Variants in RNF34 observed in about 807,000 individuals in gnomAD.
The protein encoded by RNF34 is E3 ubiquitin-protein ligase RNF34.
In RNF34, 12 loss-of-function variants were observed where a neutral mutation model predicts 37.9. That is an observed-to-expected ratio of 0.32 (90% CI 0.20 to 0.51). The LOEUF is 0.51. Among genes scored for constraint, RNF34 ranks in the 20% least tolerant of loss-of-function variants. RNF34 has a pLI of 0.97. For synonymous variants in RNF34, 155 were observed against 177.2 expected (o/e 0.87, Z 1.00); for missense variants, 362 against 472.7 (o/e 0.77, Z 2.17).
At chr12:121,419,189 A>G (rs569482058) in intron 3 of RNF34, among the ~76,000 whole-genome samples, 1 of 152,350 alleles carries the variant, frequency 6.6e-6, no homozygotes, top group Admixed American at 6.5e-5. Context: ...ATATGTTTAG[A>G]TACACAAATA....
At chr12:121,410,657 A>G (rs1372699725) in intron 1 of RNF34, among the ~76,000 whole-genome samples, 1 of 152,050 alleles carries the variant, frequency 6.6e-6, no homozygotes, top group Non-Finnish European at 1.5e-5. Flanking sequence ...AGTGTTGCAA[A>G]TGCTCCTCTC....
intron 1 of RNF34, among the ~76,000 whole-genome samples, chr12:121,408,294 T>C (rs564021654): frequency 6.6e-6 from 1 of 151,932 alleles, no homozygotes; most frequent in South Asian, 2.1e-4. Flanking sequence ...TACAAAAAAT[T>C]ACCAGGGTGT....
rs1555283914 is a variant in RNF34, at chr12:121,423,956, C to T, written c.*380C>T. The T allele has an allele frequency of 5.7e-6, 1 of 174,108 alleles. No individual in the cohort carries two copies. Among genetic ancestry groups the T allele is most frequent in the Non-Finnish European group, 1.2e-5 (1 of 81,882 alleles). The allele number at this position is 174,108 out of a possible 1,614,324, so 10.8% of individuals were successfully genotyped here. On this transcript the variant is annotated 3_prime_UTR_variant, in exon 6 of 6. Transcript: ENST00000361234. The surrounding 1 kb of genome is among the most constrained non-coding windows in gnomAD (Gnocchi z 4.3). The stretch of plus-strand genomic sequence containing the variant: ...CTCAGATGTTTGAAACTTCTGTCCT[C>T]TTTGGATGAGATCAGTGTCCACAAG...
intron 1 of RNF34, among the ~76,000 whole-genome samples, chr12:121,401,543 CTATT>C (rs1204651331): frequency 1.3e-5 from 2 of 152,106 alleles, no homozygotes; most frequent in Admixed American, 6.6e-5. Context: ...CTTGAAATAT[CTATT>C]AAAGTATCTA....
chr12:121,413,671 G>C (rs190770382), intron 1 of RNF34, among the ~76,000 whole-genome samples: 3 of 147,092 alleles, frequency 2.0e-5, no homozygotes, highest in Admixed American at 6.9e-5. Context: ...TCCGCCTCCC[G>C]GGTTCACGCC....
intron 5 of RNF34, among the ~76,000 whole-genome samples, chr12:121,422,160 T>C (rs1219219941): frequency 1.3e-5 from 2 of 152,234 alleles, no homozygotes; most frequent in African/African-American, 4.8e-5. Context: ...GCGTAGGATA[T>C]AACATGGTTG....
At chr12:121,404,337 CT>C (rs1555280386) in intron 1 of RNF34, among the ~76,000 whole-genome samples, 1 of 139,670 alleles carries the variant, frequency 7.2e-6, no homozygotes, top group African/African-American at 2.6e-5. Context: ...CATAAACTTT[CT>C]TTTCCCACTC....
chr12:121,421,287 A>G (rs937524390), intron 5 of RNF34, among the ~76,000 whole-genome samples: 1 of 143,674 alleles, frequency 7.0e-6, no homozygotes, highest in African/African-American at 2.6e-5. Context: ...CTGTAATTCT[A>G]GGACTTTGGG....
chr12:121,414,891 C>T (rs375421973), intron 1 of RNF34, among the ~76,000 whole-genome samples: 86 of 152,116 alleles, frequency 5.7e-4, no homozygotes, highest in African/African-American at 1.9e-3. Flanking sequence ...GTCAGGAGTT[C>T]GAGACCAGCC....
rs118005823 is a variant in RNF34 at position 121,400,624 on chromosome 12, A to G, written c.6+406A>G. Among the ~76,000 whole-genome samples the G allele has an allele frequency of 1.5e-3, 228 of 152,302 alleles. 7 individuals carry two copies. The East Asian group carries it at 0.038, about 26-fold the overall frequency. The stretch of plus-strand genomic sequence containing the variant: ...TTGAACTAACCCAAGTGTTGGGGAC[A>G]TCGTGGGACCGAGGAGAACAGGAGG... On this transcript the variant is annotated intron_variant, in intron 1 of 5. Coordinates refer to ENST00000361234, the MANE Select transcript of RNF34 (RefSeq NM_025126.4).
chr12:121,401,719 T>C (rs1254463670), intron 1 of RNF34, among the ~76,000 whole-genome samples: 1 of 152,132 alleles, frequency 6.6e-6, no homozygotes, highest in East Asian at 1.9e-4. Flanking sequence ...TAGAGACAGG[T>C]CCAGTGTTGA....
chr12:121,405,647 C>T (rs1485094765), intron 1 of RNF34, among the ~76,000 whole-genome samples: 6 of 152,086 alleles, frequency 3.9e-5, no homozygotes, highest in African/African-American at 1.2e-4. Context: ...CCATACCTGG[C>T]TAATTTTTGT....
At chr12:121,404,209 G>A (rs1593646994) in intron 1 of RNF34, among the ~76,000 whole-genome samples, 1 of 147,986 alleles carries the variant, frequency 6.8e-6, no homozygotes, top group African/African-American at 2.5e-5. Context: ...GTTTCACAAT[G>A]TTGCCCAGGC....
intron 1 of RNF34, among the ~76,000 whole-genome samples, chr12:121,408,238 C>T (rs1555280903): frequency 6.6e-6 from 1 of 152,018 alleles, no homozygotes; most frequent in Admixed American, 6.6e-5. Flanking sequence ...GTCAGGAGTT[C>T]GAGACCAGCC....
At chr12:121,416,777 A>G (rs1593669764) in intron 2 of RNF34, among the ~76,000 whole-genome samples, 1 of 152,108 alleles carries the variant, frequency 6.6e-6, no homozygotes, top group South Asian at 2.1e-4. Context: ...TAAATTAACT[A>G]CTCTTTAGAG....
chr12:121,406,370 C>T (rs1487260226), intron 1 of RNF34, among the ~76,000 whole-genome samples: 1 of 151,804 alleles, frequency 6.6e-6, no homozygotes, highest in Non-Finnish European at 1.5e-5. Context: ...TCACTGCAGC[C>T]TCCGCCTCCC....
intron 4 of RNF34, 61 bp from the exon 5 acceptor site, chr12:121,420,516 T>A (rs1872034113): frequency 1.3e-6 from 2 of 1,587,310 alleles, no homozygotes; most frequent in Non-Finnish European, 8.6e-7. Flanking sequence ...CAGTGATGAG[T>A]TTAGAGTGGG....
At chr12:121,413,415 CTT>C (rs573738844) in intron 1 of RNF34, among the ~76,000 whole-genome samples, 1 of 130,672 alleles carries the variant, frequency 7.7e-6, no homozygotes, top group Admixed American at 7.4e-5. Context: ...TTTACCTGTC[CTT>C]TTTTTTTTTT....
chr12:121,402,774 G>A, intron 1 of RNF34: 1 of 1,608,458 alleles, frequency 6.2e-7, no homozygotes. Flanking sequence ...CAAGTATACT[G>A]TTAAAAGAAA....
Sources: allele counts gnomAD v4.1 joint callset (sites outside exome capture counted in the v4.1 genomes callset), GRCh38; gene constraint gnomAD v4.1.1; non-coding constraint Gnocchi (gnomAD v3.1); transcripts MANE v1.5; gene names NCBI Gene and HGNC (gene_info 2026-07-23, HGNC 2026-07-21).